The following RANBP10 variants were observed in gnomAD, a reference collection of about 807,000 sequenced individuals.
The protein encoded by RANBP10 is RAN binding protein 10.
A neutral mutation model predicts 72.8 loss-of-function variants in RANBP10; 24 were observed. The observed-to-expected ratio is 0.33, with a 90% CI of 0.24 to 0.46. The LOEUF is 0.46. Ranked by LOEUF, RANBP10 falls within the 20% of genes least tolerant of loss-of-function variation. RANBP10 has a pLI of 1.00. For synonymous variants in RANBP10, 310 were observed against 322.3 expected, an observed-to-expected ratio of 0.96 and a Z score of 0.41; for missense variants, 679 against 817.5, an observed-to-expected ratio of 0.83 and a Z score of 2.07.
chr16:67,749,513 C>T (rs2054153785), intron 3 of RANBP10, among the ~76,000 whole-genome samples: 2 of 152,292 alleles, frequency 1.3e-5, no homozygotes, highest in African/African-American at 4.8e-5. Context: ...TCTATTCTCA[C>T]CTTCTGAATT....
At position 67,729,661 on chromosome 16, in the gene RANBP10, C is replaced by T. The variant is rs377233041; in HGVS notation, c.1147+19G>A. The stretch of plus-strand genomic sequence containing the variant: ...CCTCCACACCAGTTCTTCCCAGAGC[C>T]CTCTGGAGAGTGGCTGACCTGTGTT... On this transcript the variant is annotated intron_variant, in intron 9 of 13. Transcript: ENST00000317506. The surrounding 1 kb of genome is among the most constrained non-coding windows in gnomAD (Gnocchi z 7.1). 9.4e-6 allele frequency: 15 copies of T among 1,601,354 alleles called. No homozygotes were observed. The African/African-American group carries it at 2.0e-4, about 21-fold the overall frequency.
At chr16:67,788,895 G>C (rs1332466510) in intron 2 of RANBP10, among the ~76,000 whole-genome samples, 7 of 151,532 alleles carry the variant, frequency 4.6e-5, no homozygotes, top group African/African-American at 1.7e-4. Context: ...AGCTACTTGG[G>C]AGGCTGAGGC....
chr16:67,770,851 G>A (rs555445019), intron 3 of RANBP10, among the ~76,000 whole-genome samples: 12 of 152,310 alleles, frequency 7.9e-5, no homozygotes, highest in Admixed American at 6.5e-4. Context: ...GGTGGGAGGA[G>A]AACTTGAGCC....
chr16:67,773,884 A>G (rs1332176276), intron 2 of RANBP10, among the ~76,000 whole-genome samples: 1 of 152,242 alleles, frequency 6.6e-6, no homozygotes, highest in Non-Finnish European at 1.5e-5. Context: ...AGTCATTCCC[A>G]GAAACACACA....
chr16:67,741,613 G>C (rs1056823767), intron 4 of RANBP10, among the ~76,000 whole-genome samples: 1 of 152,240 alleles, frequency 6.6e-6, no homozygotes, highest in South Asian at 2.1e-4. Context: ...TTGCAAATGA[G>C]ACATCAGTCA....
intron 12 of RANBP10, 145 bp downstream of exon 12, chr16:67,727,606 G>T: frequency 1.5e-6 from 2 of 1,365,448 alleles, no homozygotes; most frequent in Non-Finnish European, 2.0e-6. Flanking sequence ...GAGGGCACAT[G>T]TCCAGTGGGC....
At chr16:67,746,121 A>C (rs1481366638) in intron 3 of RANBP10, among the ~76,000 whole-genome samples, 4 of 151,188 alleles carry the variant, frequency 2.6e-5, no homozygotes, top group Non-Finnish European at 5.9e-5. Flanking sequence ...GCGCCATTGC[A>C]CTCCAGCCTG....
intron 3 of RANBP10, among the ~76,000 whole-genome samples, chr16:67,756,906 G>GA (rs2054296075): frequency 6.6e-6 from 1 of 151,318 alleles, no homozygotes; most frequent in Non-Finnish European, 1.5e-5. Flanking sequence ...ATGGCAGGAA[G>GA]ATTAAAAGAG....
At chr16:67,766,182 C>T (rs548631344) in intron 3 of RANBP10, among the ~76,000 whole-genome samples, 4 of 152,280 alleles carry the variant, frequency 2.6e-5, no homozygotes, top group African/African-American at 4.8e-5. Flanking sequence ...TAGCTGCTGT[C>T]GTCTTCCATC....
At chr16:67,772,864 T>G (rs2054633491) in intron 2 of RANBP10, among the ~76,000 whole-genome samples, 1 of 152,110 alleles carries the variant, frequency 6.6e-6, no homozygotes, top group African/African-American at 2.4e-5. Flanking sequence ...CCTTAGACAA[T>G]CCACTCAGAT....
At chr16:67,805,186 C>A (rs945464859) in intron 2 of RANBP10, among the ~76,000 whole-genome samples, 4 of 152,196 alleles carry the variant, frequency 2.6e-5, no homozygotes, top group African/African-American at 9.7e-5. Flanking sequence ...GTTTGCCTAA[C>A]CTTCTAGGTA....
chr16:67,727,200 C>G (rs542552743), intron 13 of RANBP10, 127 bp downstream of exon 13: 6 of 886,970 alleles, frequency 6.8e-6, no homozygotes, highest in Middle Eastern at 3.4e-4. Context: ...GGCTGAGGCA[C>G]GAAAATTGCT....
chr16:67,759,185 C>T (rs2054347392), intron 3 of RANBP10, among the ~76,000 whole-genome samples: 1 of 152,238 alleles, frequency 6.6e-6, no homozygotes, highest in South Asian at 2.1e-4. Context: ...CTCAGAACTA[C>T]AAGGCCTGGG....
rs1046899425 is a variant in RANBP10, at chr16:67,730,691, T to G, written c.890-645A>C. Among the ~76,000 whole-genome samples, 7 of 152,232 alleles carry G rather than the reference T, an allele frequency of 4.6e-5. No homozygotes were observed. The highest frequency in any genetic ancestry group is 4.6e-4 in the Admixed American group (7 of 15,292). On this transcript the variant is annotated intron_variant, in intron 7 of 13. Transcript: ENST00000317506. This position sits in a 1 kb window ranked among gnomAD's most constrained non-coding sequence, Gnocchi z 4.3. The stretch of plus-strand genomic sequence containing the variant: ...AGAGTCTGAGGCTCTCATTCATAGA[T>G]CCCAAGTCTGGGATCCCTTTCCGTC...
At chr16:67,735,235 G>A (rs1015913040) in intron 5 of RANBP10, among the ~76,000 whole-genome samples, 193 bp from the exon 6 acceptor site, 2 of 152,232 alleles carry the variant, frequency 1.3e-5, no homozygotes, top group African/African-American at 4.8e-5. Flanking sequence ...AGGGGAGAAA[G>A]CAAAAGAAAA....
intron 2 of RANBP10, among the ~76,000 whole-genome samples, chr16:67,793,308 ATTTTT>A (rs752769973): frequency 3.6e-4 from 48 of 131,508 alleles, no homozygotes; most frequent in African/African-American, 1.4e-3. Context: ...CTGGCTTGTA[ATTTTT>A]TTTTTTTTTT....
intron 2 of RANBP10, among the ~76,000 whole-genome samples, chr16:67,791,119 T>A (rs1228795229): frequency 2.6e-5 from 4 of 151,838 alleles, no homozygotes; most frequent in Admixed American, 2.0e-4. Context: ...GTTGAAGCGA[T>A]TCTCCTGCCT....
At chr16:67,746,689 T>C (rs989911169) in intron 3 of RANBP10, among the ~76,000 whole-genome samples, 17 of 152,174 alleles carry the variant, frequency 1.1e-4, no homozygotes, top group African/African-American at 4.1e-4. Flanking sequence ...GGGAGTCAAT[T>C]TGTTCCATCC....
At chr16:67,758,792 TG>T (rs1205268825) in intron 3 of RANBP10, among the ~76,000 whole-genome samples, 1 of 152,230 alleles carries the variant, frequency 6.6e-6, no homozygotes. Flanking sequence ...GGCTAGTATT[TG>T]GAAGACGAAA....
Sources: allele counts gnomAD v4.1 joint callset (sites outside exome capture counted in the v4.1 genomes callset), GRCh38; gene constraint gnomAD v4.1.1; non-coding constraint Gnocchi (gnomAD v3.1); transcripts MANE v1.5; gene names NCBI Gene and HGNC (gene_info 2026-07-23, HGNC 2026-07-21).